SBF2: variants seen among roughly 807,000 people sequenced by gnomAD.
SBF2 encodes the protein SET binding factor 2, also known as myotubularin-related protein 13.
In SBF2, 112 loss-of-function variants were observed where a neutral mutation model predicts 225.2. The ratio of observed to expected loss-of-function variants is 0.50; its 90% confidence interval spans 0.43 to 0.58. The LOEUF (loss-of-function observed/expected upper bound fraction) is 0.58. SBF2 is among the 20% of genes least tolerant of loss of function. The pLI, the probability that SBF2 is intolerant of heterozygous loss-of-function variation, is 0.00. For missense variants in SBF2, 1,996 were observed against 2,206.2 expected (o/e 0.90, Z 1.91); for synonymous variants, 763 against 773.3 (o/e 0.99, Z 0.22).
At chr11:10,298,861 T>C (rs966456215), upstream of SBF2, among the ~76,000 whole-genome samples, 2 of 152,210 alleles carry the variant, frequency 1.3e-5, no homozygotes, top group Non-Finnish European at 2.9e-5. Context: ...ACCTTTATTA[T>C]TGCAATAGGT....
chr11:10,266,289 C>A (rs1961981078), intron 1 of SBF2, among the ~76,000 whole-genome samples: 1 of 152,194 alleles, frequency 6.6e-6, no homozygotes, highest in Non-Finnish European at 1.5e-5. Flanking sequence ...CAGACCCTCA[C>A]TGCAGAATTA....
chr11:10,144,114 T>C (rs1954779262), intron 2 of SBF2, among the ~76,000 whole-genome samples: 2 of 152,218 alleles, frequency 1.3e-5, no homozygotes, highest in East Asian at 3.8e-4. Context: ...TCTATTGCAT[T>C]TACGCTTTGC....
intron 1 of SBF2, among the ~76,000 whole-genome samples, chr11:10,253,169 C>G (rs1321522082): frequency 6.8e-6 from 1 of 147,130 alleles, no homozygotes; most frequent in African/African-American, 2.5e-5. Context: ...CAGAATTTGC[C>G]TCTAGAGAAA....
intron 2 of SBF2, among the ~76,000 whole-genome samples, chr11:10,070,265 T>C (rs1294931498): frequency 1.3e-5 from 2 of 152,252 alleles, no homozygotes; most frequent in African/African-American, 4.8e-5. Context: ...GCCTAGGTTT[T>C]TCTTCTAGGG....
At chr11:10,145,280 T>C (rs1282601812) in intron 2 of SBF2, among the ~76,000 whole-genome samples, 1 of 152,126 alleles carries the variant, frequency 6.6e-6, no homozygotes, top group African/African-American at 2.4e-5. Flanking sequence ...AATTGCTTGA[T>C]TTCTTCAAAG....
intron 13 of SBF2, among the ~76,000 whole-genome samples, chr11:9,969,656 A>C (rs981036164): frequency 6.6e-6 from 1 of 152,150 alleles, no homozygotes; most frequent in Non-Finnish European, 1.5e-5. Flanking sequence ...TTCTTAGCTC[A>C]AAAGCCACCT....
chr11:10,052,257 T>C (rs1950092309), intron 2 of SBF2, among the ~76,000 whole-genome samples: 1 of 152,062 alleles, frequency 6.6e-6, no homozygotes, highest in Admixed American at 6.6e-5. Flanking sequence ...TTCAAGTCAC[T>C]GAGAAAACAC....
Position 9,974,119 on chromosome 11 carries a change from A to G in SBF2, c.1396-5574T>C, listed in dbSNP as rs564078114. 2.6e-5 allele frequency among the ~76,000 whole-genome samples: 4 copies of G among 152,192 alleles called. No individual in the cohort carries two copies. In the South Asian group the frequency reaches 8.3e-4, roughly 32 times the overall value. On this transcript the variant is annotated intron_variant, in intron 13 of 39. Transcript: ENST00000256190. The stretch of plus-strand genomic sequence containing the variant: ...ACATTGATGGAATGACTCATCCTCA[A>G]TTTTCCAACTTCATAGGACTTTCAA...
chr11:9,833,476 A>G (rs1330971909), intron 26 of SBF2, among the ~76,000 whole-genome samples: 5 of 144,192 alleles, frequency 3.5e-5, no homozygotes, highest in Non-Finnish European at 6.0e-5. Context: ...GCTGGAGTGC[A>G]GTGGCACGAT....
chr11:9,839,255 A>G, intron 26 of SBF2: 2 of 511,906 alleles, frequency 3.9e-6, no homozygotes. Flanking sequence ...GGGAAGAGAA[A>G]GACAAGAGAA....
chr11:9,967,452 A>G (rs924743346), intron 14 of SBF2, among the ~76,000 whole-genome samples: 13 of 152,240 alleles, frequency 8.5e-5, no homozygotes, highest in Non-Finnish European at 1.0e-4. Context: ...TAAATGAAAG[A>G]AGCCAGTCAT....
At position 9,896,000 on chromosome 11, in the gene SBF2, A is replaced by T; in HGVS notation, c.1872T>A (p.Ser624Arg). Residue 624 changes from serine (S) to arginine (R), a missense_variant, in exon 17 of 40, where the codon AGT becomes AGA. Transcript: ENST00000256190. ...CTGCGGCAATGTTGTATTCTTCTAAACTTGAACAATCCTTTAAGCAAAACA... is the reference window on the plus strand; with the variant it reads ...CTGCGGCAATGTTGTATTCTTCTAATCTTGAACAATCCTTTAAGCAAAACA... ...MMNCTLQDCS[S>R]LEEYNIAAAL... 6.2e-7 allele frequency: 1 copy of T among 1,612,990 alleles called. No homozygotes were observed. The highest frequency in any genetic ancestry group is 8.5e-7 in the Non-Finnish European group (1 of 1,179,206).
At chr11:9,799,113 T>G (rs1853326988) in intron 32 of SBF2, among the ~76,000 whole-genome samples, 1 of 152,200 alleles carries the variant, frequency 6.6e-6, no homozygotes, top group Non-Finnish European at 1.5e-5. Context: ...AATACAATTT[T>G]GAAGACCCAC....
Position 9,994,130 on chromosome 11 carries a change from G to A in SBF2, c.976-132C>T, listed in dbSNP as rs927118427. On this transcript the variant is annotated intron_variant, in intron 9 of 39. Transcript: ENST00000256190. ...CATGAATACAATTCAATTAGCTGGG[G>A]TAGTTCTATATGTACTATTGTAGAA... The A allele has an allele frequency of 7.9e-6, 6 of 763,956 alleles. No homozygotes were observed. The African/African-American group carries it at 1.0e-4, about 13-fold the overall frequency. 47.3% of individuals were successfully genotyped at this position (763,956 alleles called of 1,614,324 possible).
intron 1 of SBF2, among the ~76,000 whole-genome samples, chr11:10,279,354 A>G (rs1187950309): frequency 6.7e-6 from 1 of 150,316 alleles, no homozygotes; most frequent in Non-Finnish European, 1.5e-5. Context: ...CGGAGGTTGT[A>G]GTGAGCTGAG....
At position 9,811,573 on chromosome 11, in the gene SBF2, C is replaced by T. The variant is rs189982343; in HGVS notation, c.4155+959G>A. ...AGAAGGGAGTATCGACCAGTTCCTTCCACGGGTATGCAAAGCACCCTAAAT... is the reference window on the plus strand; with the variant it reads ...AGAAGGGAGTATCGACCAGTTCCTTTCACGGGTATGCAAAGCACCCTAAAT... On this transcript the variant is annotated intron_variant, in intron 30 of 39. Transcript: ENST00000256190. Among the ~76,000 whole-genome samples the T allele has an allele frequency of 7.9e-5, 12 of 152,294 alleles. No individual in the cohort carries two copies. In the East Asian group the frequency reaches 2.1e-3, roughly 27 times the overall value.
At chr11:10,020,719 T>C (rs901573938) in intron 6 of SBF2, among the ~76,000 whole-genome samples, 2 of 152,052 alleles carry the variant, frequency 1.3e-5, no homozygotes, top group Non-Finnish European at 2.9e-5. Flanking sequence ...AATAATCACA[T>C]AGTATCACAG....
At chr11:10,203,799 T>C (rs1307024302) in intron 1 of SBF2, among the ~76,000 whole-genome samples, 6 of 144,284 alleles carry the variant, frequency 4.2e-5, no homozygotes, top group African/African-American at 1.5e-4. Context: ...TTAATGGTTG[T>C]TATATGATAG....
intron 1 of SBF2, among the ~76,000 whole-genome samples, chr11:10,259,013 T>C (rs971781903): frequency 3.3e-5 from 5 of 152,160 alleles, no homozygotes; most frequent in Non-Finnish European, 5.9e-5. Context: ...TTGGAGCTAG[T>C]TGTAGCTCCT....
Sources: gnomAD v4.1 joint callset for allele counts (sites outside exome capture counted in the v4.1 genomes callset) on GRCh38, gnomAD v4.1.1 for gene constraint, MANE v1.5 for transcripts, NCBI Gene and HGNC (gene_info 2026-07-23, HGNC 2026-07-21) for gene names.